SSBP4: variants seen among roughly 807,000 people sequenced by gnomAD.
The protein encoded by SSBP4 is single-stranded DNA-binding protein 4.
In SSBP4, 33 loss-of-function variants were observed where a neutral mutation model predicts 64.6. The observed-to-expected ratio is 0.51, with a 90% CI of 0.39 to 0.68. The LOEUF is 0.68. SSBP4 is among the 30% of genes least tolerant of loss of function. The pLI, the probability that SSBP4 is intolerant of heterozygous loss-of-function variation, is 0.00. For missense variants in SSBP4, 583 were observed against 566.8 expected, an observed-to-expected ratio of 1.03 and a Z score of -0.29; for synonymous variants, 243 against 224.0, an observed-to-expected ratio of 1.08 and a Z score of -0.76.
At chr19:18,434,036 C>T (rs1488541123) in intron 17 of SSBP4, 181 bp from the exon 18 acceptor site, 4 of 1,302,652 alleles carry the variant, frequency 3.1e-6, no homozygotes, top group Non-Finnish European at 3.9e-6. Context: ...GCCCCCACCC[C>T]GGGACCCGCG....
At chr19:18,413,465 T>C in the SSBP4 span, among the ~76,000 whole-genome samples, 2 of 152,108 alleles carry the variant, frequency 1.3e-5, no homozygotes, top group Non-Finnish European at 2.9e-5. Context: ...CCACTCGCCT[T>C]GGCCTCCCAA....
At chr19:18,428,011 C>T (rs774580703) in intron 4 of SSBP4, 29 bp downstream of exon 4, 1 of 1,598,422 alleles carries the variant, frequency 6.3e-7, no homozygotes, top group African/African-American at 1.3e-5. Flanking sequence ...GACTCAGGGG[C>T]TCCAGGGCGG....
chr19:18,408,252 G>A, the SSBP4 span, among the ~76,000 whole-genome samples: 2 of 152,164 alleles, frequency 1.3e-5, no homozygotes, highest in Non-Finnish European at 2.9e-5. Context: ...CAGACGGAAG[G>A]AGAGTTGGCT....
rs1240014518 is a variant in SSBP4 at position 18,419,427 on chromosome 19, G to A, written c.-222G>A. 2.5e-5 allele frequency: 26 copies of A among 1,044,678 alleles called. No homozygotes were observed. The highest frequency in any genetic ancestry group is 5.5e-5 in the Admixed American group (1 of 18,074). The allele number at this position is 1,044,678 out of a possible 1,614,324, so 64.7% of individuals were successfully genotyped here. ...CCCGGAACAGCCCGCGCGGAGGAAA[G>A]GGAGGAAAAAAAGCCACCCTGCGGC... On this transcript the variant is annotated 5_prime_UTR_variant, in exon 1 of 18. Transcript: ENST00000270061.
intron 4 of SSBP4, 107 bp downstream of exon 4, chr19:18,428,089 T>C: frequency 7.9e-7 from 1 of 1,258,170 alleles, no homozygotes; most frequent in South Asian, 1.3e-5. Flanking sequence ...GGGCTGGGGA[T>C]GGTGGCAGTT....
intron 10 of SSBP4, 71 bp from the exon 11 acceptor site, chr19:18,432,487 TG>T: frequency 2.0e-6 from 3 of 1,508,966 alleles, no homozygotes; most frequent in Non-Finnish European, 2.7e-6. Context: ...GAGCAGGGTG[TG>T]GGGGGTGTGT....
At chr19:18,412,355 G>C in the SSBP4 span, among the ~76,000 whole-genome samples, 5 of 151,472 alleles carry the variant, frequency 3.3e-5, no homozygotes, top group Non-Finnish European at 5.9e-5. Context: ...CAGCTACTCG[G>C]GAGGCTGAGG....
intron 1 of SSBP4, among the ~76,000 whole-genome samples, chr19:18,425,211 C>T (rs1972761363): frequency 1.3e-5 from 2 of 152,058 alleles, no homozygotes; most frequent in African/African-American, 4.8e-5. Context: ...CCCCCTCCTT[C>T]AGGAGTCCCC....
the SSBP4 span, among the ~76,000 whole-genome samples, chr19:18,408,466 A>T: frequency 6.7e-6 from 1 of 150,344 alleles, no homozygotes; most frequent in African/African-American, 2.4e-5. Flanking sequence ...CCCTGAATTG[A>T]GTCTTAGAGT....
At chr19:18,431,486 C>T (rs966670070) in intron 6 of SSBP4, 68 bp downstream of exon 6, 2 of 1,166,082 alleles carry the variant, frequency 1.7e-6, no homozygotes, top group Admixed American at 2.7e-5. Flanking sequence ...CCCTCCCACC[C>T]TCAAGCCATG....
chr19:18,404,951 C>T, the SSBP4 span, among the ~76,000 whole-genome samples: 1 of 149,782 alleles, frequency 6.7e-6, no homozygotes, highest in African/African-American at 2.5e-5. Flanking sequence ...CAGAGATCCT[C>T]ACAGACCCTA....
At chr19:18,412,980 T>C in the SSBP4 span, among the ~76,000 whole-genome samples, 1 of 151,758 alleles carries the variant, frequency 6.6e-6, no homozygotes, top group Admixed American at 6.6e-5. Context: ...GAATGGGACA[T>C]GAGACAGGAA....
At position 18,432,938 on chromosome 19, in the gene SSBP4, C is replaced by A. The variant is rs1185276146; in HGVS notation, c.842-35C>A. 7 of 1,613,942 alleles carry A rather than the reference C, an allele frequency of 4.3e-6. 1 individual carries two copies. In the East Asian group the frequency reaches 6.7e-5, roughly 15 times the overall value. ...TAGGGTGGGTGTGTTTGGGGGAAAC[C>A]CCGTCACACCTGGCACCCTTCTGGT... On this transcript the variant is annotated intron_variant, in intron 13 of 17. Transcript: ENST00000270061.
intron 4 of SSBP4, among the ~76,000 whole-genome samples, chr19:18,430,421 C>T (rs1257712703): frequency 6.6e-6 from 1 of 152,172 alleles, no homozygotes; most frequent in Non-Finnish European, 1.5e-5. Context: ...TGCTTTTCAC[C>T]CTCCCTCCTG....
chr19:18,420,854 A>G (rs1322856623), intron 1 of SSBP4, among the ~76,000 whole-genome samples: 1 of 151,802 alleles, frequency 6.6e-6, no homozygotes, highest in Non-Finnish European at 1.5e-5. Context: ...CCATCTCAAA[A>G]AAAAAAAACA....
chr19:18,432,148 G>A lies in SSBP4; in HGVS notation c.638G>A (p.Ser213Asn). 2 of 1,613,194 alleles carry A rather than the reference G, an allele frequency of 1.2e-6. No individual in the cohort carries two copies. Among genetic ancestry groups the A allele is most frequent in the Non-Finnish European group, 1.7e-6 (2 of 1,179,962 alleles). ...CTCACAGCCCCTTTGCCTCCGCAGAGCTATGGAGGTGGCATGCGACCCCCA... is the reference window on the plus strand; with the variant it reads ...CTCACAGCCCCTTTGCCTCCGCAGAACTATGGAGGTGGCATGCGACCCCCA... The part of the protein sequence containing the change: ...PRGMASVGPQ[S>N]YGGGMRPPPN... Residue 213 changes from serine to asparagine, a missense_variant and splice_region_variant, in exon 10 of 18, where the codon AGC becomes AAC. Physicochemically the swap from Ser to Asn is conservative, Grantham distance 46. Coordinates refer to ENST00000270061, the MANE Select transcript of SSBP4 (RefSeq NM_032627.5).
chr19:18,417,443 C>T (rs756348820), upstream of SSBP4, among the ~76,000 whole-genome samples: 21 of 152,268 alleles, frequency 1.4e-4, no homozygotes, highest in African/African-American at 4.6e-4. This position sits in a 1 kb window ranked among gnomAD's most constrained non-coding sequence, Gnocchi z 5.4. Flanking sequence ...GGGCATCTGC[C>T]GGGCCCGGGA....
At chr19:18,425,992 A>G (rs1263291042) in intron 1 of SSBP4, 1 of 152,354 alleles carries the variant, frequency 6.6e-6, no homozygotes, top group Non-Finnish European at 1.5e-5. Context: ...AAGGCACTTC[A>G]TGGATGCTGG....
intron 6 of SSBP4, 52 bp downstream of exon 6, chr19:18,431,470 G>C: frequency 9.2e-7 from 1 of 1,081,460 alleles, no homozygotes; most frequent in South Asian, 1.5e-5. Context: ...CTCCCCCAGC[G>C]CCGCCCCCTC....
Sources: gnomAD v4.1 joint callset for allele counts (sites outside exome capture counted in the v4.1 genomes callset) on GRCh38, gnomAD v4.1.1 for gene constraint, Gnocchi (gnomAD v3.1) non-coding constraint, MANE v1.5 for transcripts, NCBI Gene and HGNC (gene_info 2026-07-23, HGNC 2026-07-21) for gene names.